The following PTPRU variants were observed in gnomAD, a reference collection of about 807,000 sequenced individuals.
PTPRU encodes the protein protein tyrosine phosphatase receptor type U.
Under a neutral mutation model 166.3 loss-of-function variants are expected in PTPRU, and 69 were observed. The observed-to-expected ratio is 0.41, with a 90% CI of 0.34 to 0.51. The LOEUF (loss-of-function observed/expected upper bound fraction) is 0.51. PTPRU is among the 20% of genes least tolerant of loss of function. The probability of loss-of-function intolerance (pLI) is 0.09; values close to 1 mark genes in which losing one functional copy is unlikely to be tolerated. For missense variants in PTPRU, 1,657 were observed against 2,013.7 expected (o/e 0.82, Z 3.39); for synonymous variants, 793 against 814.0 (o/e 0.97, Z 0.44).
chr1:29,303,731 G>A (rs1231547282), intron 15 of PTPRU, 124 bp from the exon 16 acceptor site: 7 of 1,080,858 alleles, frequency 6.5e-6, no homozygotes, highest in Non-Finnish European at 6.6e-6. Context: ...CTTGGCTCCA[G>A]CCAACAACCC....
In PTPRU at chr1:29,237,638, G is replaced by C. The variant is rs1380255698; in HGVS notation, c.73+921G>C. On this transcript the variant is annotated intron_variant, in intron 1 of 29. Transcript: ENST00000373779. The surrounding 1 kb of genome is among the most constrained non-coding windows in gnomAD (Gnocchi z 6.4). ...CGGCGCCCCCTGGGCTGCCCGGGTC[G>C]GGCAGGGCCCGAGGCTCAGGGGAGG... Among the ~76,000 whole-genome samples the C allele has an allele frequency of 6.6e-6, 1 of 150,614 alleles. No homozygotes were observed. Among genetic ancestry groups the C allele is most frequent in the Non-Finnish European group, 1.5e-5 (1 of 67,748 alleles).
At chr1:29,287,534 T>C (rs997403838) in intron 14 of PTPRU, among the ~76,000 whole-genome samples, 2 of 151,394 alleles carry the variant, frequency 1.3e-5, no homozygotes, top group African/African-American at 4.9e-5. Context: ...TGCTTCCCGG[T>C]GCTGAGGCCT....
In PTPRU at chr1:29,282,832, T is replaced by C; in HGVS notation, c.2025T>C (p.Pro675=). 6.2e-7 allele frequency: 1 copy of C among 1,614,168 alleles called. No individual in the cohort carries two copies. The highest frequency in any genetic ancestry group is 8.5e-7 in the Non-Finnish European group (1 of 1,180,016). The change falls in exon 12 of 30, where the codon CCT becomes CCC. Residue 675 remains proline (P), a synonymous_variant. Coordinates refer to ENST00000373779, the MANE Select transcript of PTPRU (RefSeq NM_133178.4). ...CCGAACTGGCGGCCAGCAGTCTACC[T>C]GAGGCCATGCCCTTTACCGTGGGTG... ...FGAELAASSL[P]EAMPFTVGDN... is the part of the protein sequence containing the mutation.
rs1688378151 is a variant in PTPRU at position 29,325,589 on chromosome 1, C to T, written c.4249-10C>T. 1.2e-6 allele frequency: 2 copies of T among 1,607,380 alleles called. No individual in the cohort carries two copies. Among genetic ancestry groups the T allele is most frequent in the African/African-American group, 1.3e-5 (1 of 74,766 alleles). ...GGCTCATGATTCCCTCCCTCTCTTC[C>T]TCTCCCCAGGATCAGTACCACTTTT... On this transcript the variant is annotated splice_polypyrimidine_tract_variant and intron_variant, in intron 29 of 29. Coordinates refer to ENST00000373779, the MANE Select transcript of PTPRU (RefSeq NM_133178.4).
intron 14 of PTPRU, among the ~76,000 whole-genome samples, chr1:29,286,057 G>T (rs1241581050): frequency 6.6e-6 from 1 of 152,240 alleles, no homozygotes; most frequent in East Asian, 1.9e-4. Flanking sequence ...GCTGCCAGGA[G>T]CGGATAATAG....
intron 14 of PTPRU, among the ~76,000 whole-genome samples, chr1:29,286,610 C>T (rs554870360): frequency 2.0e-5 from 3 of 152,126 alleles, no homozygotes; most frequent in East Asian, 1.9e-4. Flanking sequence ...TTAAGTAGGG[C>T]TGGGGCTGGA....
Position 29,284,887 on chromosome 1 carries a change from C to T in PTPRU, c.2318+18C>T, listed in dbSNP as rs1686272033. 2 of 1,596,278 alleles carry T rather than the reference C, an allele frequency of 1.3e-6. No homozygotes were observed. The highest frequency in any genetic ancestry group is 1.7e-6 in the Non-Finnish European group (2 of 1,169,624). On this transcript the variant is annotated intron_variant, in intron 14 of 29. Transcript: ENST00000373779. ...CGCAAAGGGTGAGTGAGGCCGGTGC[C>T]CTGTCCCACCAGTGGCTTCTACCCC...
At chr1:29,319,490 C>T (rs1284775211) in intron 25 of PTPRU, among the ~76,000 whole-genome samples, 1 of 152,192 alleles carries the variant, frequency 6.6e-6, no homozygotes. Context: ...CAGACAGGCC[C>T]TGAACTCGTC....
At chr1:29,300,668 C>T (rs959871968) in intron 15 of PTPRU, among the ~76,000 whole-genome samples, 1 of 152,202 alleles carries the variant, frequency 6.6e-6, no homozygotes, top group Non-Finnish European at 1.5e-5. Flanking sequence ...AACCAGTAAT[C>T]CAGCTAAAAT....
chr1:29,289,624 C>T (rs373366106), intron 14 of PTPRU: 27 of 1,608,888 alleles, frequency 1.7e-5, no homozygotes, highest in African/African-American at 1.1e-4. Flanking sequence ...TGCCTCAGCC[C>T]GGCCTTGGTG....
intron 7 of PTPRU, among the ~76,000 whole-genome samples, chr1:29,269,791 T>C (rs1243314968): frequency 6.6e-6 from 1 of 152,212 alleles, no homozygotes; most frequent in Non-Finnish European, 1.5e-5. Context: ...TTTTAATTTT[T>C]CTGACTTCTT....
chr1:29,320,423 C>A lies in PTPRU; in HGVS notation c.3688-262C>A. The A allele has an allele frequency of 2.7e-6, 1 of 371,602 alleles. No individual in the cohort carries two copies. The highest frequency in any genetic ancestry group is 4.8e-6 in the Non-Finnish European group (1 of 209,212). The allele number at this position is 371,602 out of a possible 1,614,324, so 23.0% of individuals were successfully genotyped here. On this transcript the variant is annotated intron_variant, in intron 25 of 29. Transcript: ENST00000373779. The surrounding 1 kb of genome is among the most constrained non-coding windows in gnomAD (Gnocchi z 5.2). ...TTGAGCTCAGCCTCATGCCCAAGCT[C>A]CCCTCGCCATACCTTTGGAAACTTT... is the stretch of plus-strand genomic sequence containing the variant.
Position 29,236,833 on chromosome 1 carries a change from G to A in PTPRU, c.73+116G>A. 1 of 1,005,768 alleles carries A rather than the reference G, an allele frequency of 9.9e-7. No individual in the cohort carries two copies. The highest frequency in any genetic ancestry group is 1.3e-6 in the Non-Finnish European group (1 of 774,368). The allele number at this position is 1,005,768 out of a possible 1,614,324, so 62.3% of individuals were successfully genotyped here. On this transcript the variant is annotated intron_variant, in intron 1 of 29. Transcript: ENST00000373779. This position sits in a 1 kb window ranked among gnomAD's most constrained non-coding sequence, Gnocchi z 4.6. ...GGCGTTACGAGCGTGCTCCCTGTGT[G>A]TGTCTGAGCGTAGGATGGGCGATTG...
chr1:29,289,623 C>G lies in PTPRU; in HGVS notation c.2319-2246C>G. On this transcript the variant is annotated intron_variant, in intron 14 of 29. Transcript: ENST00000373779. ...CCTGCTGCCTGGGCATTGCCTCAGCCCGGCCTTGGTGGACGGACCTCGGAC... is the reference window on the plus strand; with the variant it reads ...CCTGCTGCCTGGGCATTGCCTCAGCGCGGCCTTGGTGGACGGACCTCGGAC... 5 of 1,609,116 alleles carry G rather than the reference C, an allele frequency of 3.1e-6. No homozygotes were observed. In the South Asian group the frequency reaches 4.4e-5, roughly 14 times the overall value.
Position 29,293,676 on chromosome 1 carries a change from G to A in PTPRU, c.2476+1650G>A, listed in dbSNP as rs1686754527. ...TTTTTAATAGAGACGGGATTTCACC[G>A]TGTTAGCCAGGATGGTCTCGATCTC... On this transcript the variant is annotated intron_variant, in intron 15 of 29. Transcript: ENST00000373779. 2.6e-5 allele frequency among the ~76,000 whole-genome samples: 4 copies of A among 151,026 alleles called. 1 individual carries two copies. Among genetic ancestry groups the A allele is most frequent in the South Asian group, 4.2e-4 (2 of 4,780 alleles).
At chr1:29,312,501 G>T in intron 21 of PTPRU, 51 bp from the exon 22 acceptor site, 1 of 1,512,238 alleles carries the variant, frequency 6.6e-7, no homozygotes, top group South Asian at 1.3e-5. Context: ...GGTGTCTAAT[G>T]GTGACAGATG....
Position 29,291,027 on chromosome 1 carries a change from C to T in PTPRU, c.2319-842C>T, listed in dbSNP as rs1284884285. On this transcript the variant is annotated intron_variant, in intron 14 of 29. Transcript: ENST00000373779. The surrounding 1 kb of genome is among the most constrained non-coding windows in gnomAD (Gnocchi z 4.1). ...ATGTTCAGCCAGGCTGGCTGGCTGT[C>T]CTCTGTCCATGGCCCTATCTCCCCA... is the stretch of plus-strand genomic sequence containing the variant. Among the ~76,000 whole-genome samples the T allele has an allele frequency of 3.3e-5, 5 of 152,300 alleles. No homozygotes were observed. The East Asian group carries it at 9.7e-4, about 29-fold the overall frequency.
intron 7 of PTPRU, 145 bp downstream of exon 7, chr1:29,261,048 T>G (rs1175156256): frequency 1.0e-6 from 1 of 962,594 alleles, no homozygotes; most frequent in Non-Finnish European, 1.4e-6. Context: ...GTAAAGATAA[T>G]GATAGCTAAT....
At chr1:29,269,869 C>T (rs1685488406) in intron 7 of PTPRU, among the ~76,000 whole-genome samples, 1 of 151,924 alleles carries the variant, frequency 6.6e-6, no homozygotes, top group Non-Finnish European at 1.5e-5. Context: ...GAAAGCATTT[C>T]GTATGCTGCT....
Sources: allele counts gnomAD v4.1 joint callset (sites outside exome capture counted in the v4.1 genomes callset), GRCh38; gene constraint gnomAD v4.1.1; non-coding constraint Gnocchi (gnomAD v3.1); transcripts MANE v1.5; gene names NCBI Gene and HGNC (gene_info 2026-07-23, HGNC 2026-07-21).